Variants in FAM81A observed in about 807,000 individuals in gnomAD.
FAM81A encodes the protein protein FAM81A.
A neutral mutation model predicts 46.7 loss-of-function variants in FAM81A; 19 were observed. The observed-to-expected ratio is 0.41, with a 90% CI of 0.28 to 0.60. FAM81A has a LOEUF of 0.60. FAM81A is among the 20% of genes least tolerant of loss of function. The probability of loss-of-function intolerance (pLI) is 0.34; values close to 1 mark genes in which losing one functional copy is unlikely to be tolerated. For synonymous variants in FAM81A, 183 were observed against 152.9 expected (o/e 1.20, Z -1.45); for missense variants, 377 against 453.5 (o/e 0.83, Z 1.53).
chr15:59,476,742 A>G (rs1467476008), intron 3 of FAM81A, among the ~76,000 whole-genome samples: 1 of 151,786 alleles, frequency 6.6e-6, no homozygotes, highest in Non-Finnish European at 1.5e-5. Context: ...GTGAGCCAGG[A>G]TCATGCCACT....
intron 4 of FAM81A, among the ~76,000 whole-genome samples, chr15:59,498,138 C>G (rs1213199248): frequency 6.6e-6 from 1 of 152,232 alleles, no homozygotes; most frequent in African/African-American, 2.4e-5. Context: ...GTGTTAGTCA[C>G]CATGCCTGGC....
intron 3 of FAM81A, among the ~76,000 whole-genome samples, chr15:59,489,536 C>T (rs1169544031): frequency 6.6e-6 from 1 of 151,826 alleles, no homozygotes; most frequent in East Asian, 1.9e-4. Context: ...TGACATTCTT[C>T]ACAGAAATAG....
intron 3 of FAM81A, among the ~76,000 whole-genome samples, chr15:59,471,919 C>G (rs893936337): frequency 6.6e-6 from 1 of 152,230 alleles, no homozygotes; most frequent in South Asian, 2.1e-4. Context: ...GTGGATACTT[C>G]TTATGATGGT....
chr15:59,413,695 A>G (rs1223819882), intron 2 of FAM81A, among the ~76,000 whole-genome samples: 1 of 151,948 alleles, frequency 6.6e-6, no homozygotes, highest in Non-Finnish European at 1.5e-5. Context: ...CAGTGGCGGG[A>G]GGATAGCTTG....
chr15:59,519,271 C>A (rs1336888388), intron 8 of FAM81A, among the ~76,000 whole-genome samples: 2 of 151,918 alleles, frequency 1.3e-5, no homozygotes, highest in Non-Finnish European at 2.9e-5. Context: ...TGACTGCGAC[C>A]TATTCTTCGC....
intron 3 of FAM81A, among the ~76,000 whole-genome samples, chr15:59,483,226 C>T (rs543294934): frequency 8.6e-5 from 13 of 151,824 alleles, no homozygotes; most frequent in African/African-American, 2.2e-4. Context: ...TTAGTAGAGA[C>T]GGGGGTTTCA....
In FAM81A at chr15:59,427,521, A is replaced by G. The variant is rs1470685383; in HGVS notation, c.-78+25163A>G. On this transcript the variant is annotated intron_variant, in intron 2 of 4. Coordinates refer to the FAM81A transcript ENST00000558348. ...ATCTTATTTATTCTGTTTTTTTAAT[A>G]CTCATTAACCATCCACACTGCCCCG... Among the ~76,000 whole-genome samples the G allele has an allele frequency of 2.0e-5, 3 of 151,970 alleles. No homozygotes were observed. The East Asian group carries it at 5.8e-4, about 29-fold the overall frequency.
At chr15:59,410,812 G>C (rs1489894907) in intron 2 of FAM81A, among the ~76,000 whole-genome samples, 1 of 152,148 alleles carries the variant, frequency 6.6e-6, no homozygotes, top group Non-Finnish European at 1.5e-5. Flanking sequence ...GGCTGATCTC[G>C]GCTTACTGAT....
chr15:59,441,144 T>C (rs2081293169), intron 1 of FAM81A, among the ~76,000 whole-genome samples: 1 of 152,334 alleles, frequency 6.6e-6, no homozygotes, highest in African/African-American at 2.4e-5. Context: ...CTCTTCATTC[T>C]CTGGACTTGA....
chr15:59,497,362 CTT>C (rs1477242420), intron 4 of FAM81A, among the ~76,000 whole-genome samples: 5 of 150,766 alleles, frequency 3.3e-5, no homozygotes, highest in Non-Finnish European at 2.9e-5. Context: ...AGGATAATCG[CTT>C]GAACCTGAGA....
rs753302526 is a variant in FAM81A at position 59,460,374 on chromosome 15, T to A, written c.294+168T>A. On this transcript the variant is annotated intron_variant, in intron 3 of 8. Transcript: ENST00000288228. This position sits in a 1 kb window ranked among gnomAD's most constrained non-coding sequence, Gnocchi z 4.4. ...GCCAAGGAGACAGCTTGCAGAAATA[T>A]CCTAATTAAATTTATTCCAGTGTTT... is the stretch of plus-strand genomic sequence containing the variant. 3 of 895,158 alleles carry A rather than the reference T, an allele frequency of 3.4e-6. No homozygotes were observed. The South Asian group carries it at 4.1e-5, about 12-fold the overall frequency. The allele number at this position is 895,158 out of a possible 1,614,324, so 55.5% of individuals were successfully genotyped here.
At chr15:59,471,488 A>T (rs2081689133) in intron 3 of FAM81A, among the ~76,000 whole-genome samples, 1 of 151,784 alleles carries the variant, frequency 6.6e-6, no homozygotes, top group African/African-American at 2.4e-5. Flanking sequence ...TTCTGGAGAG[A>T]CAAAACCTCT....
At chr15:59,408,360 G>A (rs2081105895) in intron 2 of FAM81A, among the ~76,000 whole-genome samples, 1 of 152,058 alleles carries the variant, frequency 6.6e-6, no homozygotes. Flanking sequence ...TTTAATTCAT[G>A]GACTTTTTAA....
At chr15:59,497,185 C>T (rs8030440) in intron 4 of FAM81A, among the ~76,000 whole-genome samples, 6,094 of 151,772 alleles carry the variant, frequency 0.04, 419 homozygotes, top group African/African-American at 0.14. Context: ...TGGCGGCTCA[C>T]GCCTGTAATC....
chr15:59,516,708 G>C lies in FAM81A; in HGVS notation c.850G>C (p.Glu284Gln). ...SQMSARLDKI[E>Q]EGQKKTFDGQ... ...GATGTCAGCCAGGCTTGACAAAATAGAAGAGGGTCAAAAGAAGACTTTTGA... is the reference window on the plus strand; with the variant it reads ...GATGTCAGCCAGGCTTGACAAAATACAAGAGGGTCAAAAGAAGACTTTTGA... The change falls in exon 8 of 9, where the codon GAA becomes CAA. Residue 284 changes from glutamate to glutamine, a missense_variant. Glu to Gln is a conservative substitution (Grantham distance 29). Coordinates refer to ENST00000288228, the MANE Select transcript of FAM81A (RefSeq NM_152450.3). The C allele has an allele frequency of 6.2e-7, 1 of 1,613,752 alleles. No individual in the cohort carries two copies.
At chr15:59,498,881 C>T (rs544233146) in intron 4 of FAM81A, among the ~76,000 whole-genome samples, 22 of 152,316 alleles carry the variant, frequency 1.4e-4, no homozygotes, top group African/African-American at 5.1e-4. Flanking sequence ...TCTCGAACTC[C>T]TGACCTCAAG....
intron 1 of FAM81A, chr15:59,401,354 T>A: frequency 1.3e-6 from 1 of 789,464 alleles, no homozygotes; most frequent in Non-Finnish European, 2.3e-6. Context: ...GGCAGTACCT[T>A]TGGTAATAAC....
intron 1 of FAM81A, among the ~76,000 whole-genome samples, chr15:59,440,781 T>C (rs1437698773): frequency 1.3e-5 from 2 of 152,182 alleles, no homozygotes; most frequent in African/African-American, 4.8e-5. Flanking sequence ...TTTCTCCACT[T>C]GGGGCATGTA....
At chr15:59,407,855 C>T in intron 2 of FAM81A, 2 of 223,668 alleles carry the variant, frequency 8.9e-6, no homozygotes, top group East Asian at 1.5e-4. Flanking sequence ...TACTAGTGGG[C>T]CAGCTTATGT....
Sources: gnomAD v4.1 joint callset for allele counts (sites outside exome capture counted in the v4.1 genomes callset) on GRCh38, gnomAD v4.1.1 for gene constraint, Gnocchi (gnomAD v3.1) non-coding constraint, MANE v1.5 for transcripts, NCBI Gene and HGNC (gene_info 2026-07-23, HGNC 2026-07-21) for gene names.